Variants in EPB41L3 observed in about 807,000 individuals in gnomAD.
The protein encoded by EPB41L3 is band 4.1-like protein 3.
In EPB41L3, 57 loss-of-function variants were observed where a neutral mutation model predicts 127.1. The ratio of observed to expected loss-of-function variants is 0.45; its 90% CI spans 0.36 to 0.56. The LOEUF (loss-of-function observed/expected upper bound fraction) is 0.56, where lower values mean the gene tolerates loss of function less well. EPB41L3 is among the 20% of genes least tolerant of loss of function. EPB41L3 has a pLI of 0.00. For missense variants in EPB41L3, 1,273 were observed against 1,372.2 expected (o/e 0.93, Z 1.14); for synonymous variants, 572 against 549.5 (o/e 1.04, Z -0.57).
intron 20 of EPB41L3, 54 bp downstream of exon 20, chr18:5,395,555 C>T (rs1335100365): frequency 6.5e-6 from 10 of 1,545,694 alleles, no homozygotes; most frequent in Non-Finnish European, 8.9e-6. Context: ...TGAACAAGCA[C>T]CTTCCTCCAG....
rs780466257 is a variant in EPB41L3 at position 5,423,531 on chromosome 18, G to A, written c.1186C>T (p.Pro396Ser). Residue 396 changes from proline to serine, a missense_variant, in exon 11 of 23, where the codon CCC (proline) becomes TCC (serine). Coordinates refer to ENST00000341928, the MANE Select transcript of EPB41L3 (RefSeq NM_012307.5). The stretch of plus-strand genomic sequence containing the variant: ...GAACCCAAGGTTAGGAATTTCTTGG[G>A]AGGTGCTTCTGGTAACAGTAGTCTA... ...FFRLLLPEAP[P>S]KKFLTLGSKF... is the part of the protein sequence containing the mutation. The A allele has an allele frequency of 6.2e-7, 1 of 1,612,972 alleles. No homozygotes were observed. The highest frequency in any genetic ancestry group is 1.7e-5 in the Admixed American group (1 of 59,986).
chr18:5,607,785 C>A (rs906541893), intron 3 of EPB41L3, among the ~76,000 whole-genome samples: 1 of 152,082 alleles, frequency 6.6e-6, no homozygotes, highest in Admixed American at 6.6e-5. Flanking sequence ...CTTGCCACCA[C>A]GGAACTGTCA....
intron 3 of EPB41L3, among the ~76,000 whole-genome samples, chr18:5,581,482 T>C (rs192172325): frequency 6.6e-6 from 1 of 152,302 alleles, no homozygotes; most frequent in Admixed American, 6.5e-5. Context: ...TGTAAGTAAG[T>C]AGGATGGGTA....
intron 3 of EPB41L3, among the ~76,000 whole-genome samples, chr18:5,612,133 T>C (rs564419535): frequency 4.3e-4 from 65 of 151,658 alleles, no homozygotes; most frequent in African/African-American, 1.6e-3. Context: ...TTTGGAACTA[T>C]TTGGCCACCC....
intron 16 of EPB41L3, chr18:5,398,896 G>A (rs1036201520): frequency 1.3e-5 from 5 of 399,106 alleles, no homozygotes; most frequent in East Asian, 1.1e-4. Context: ...GGACTCTGCC[G>A]GCGAGACTCG....
intron 1 of EPB41L3, among the ~76,000 whole-genome samples, chr18:5,625,787 C>T (rs1159811386): frequency 6.6e-6 from 1 of 152,182 alleles, no homozygotes; most frequent in Non-Finnish European, 1.5e-5. Flanking sequence ...CCCCATTTCA[C>T]TGATGAGGAT....
chr18:5,452,933 G>A (rs555222116), intron 3 of EPB41L3, among the ~76,000 whole-genome samples: 1 of 152,270 alleles, frequency 6.6e-6, no homozygotes, highest in Non-Finnish European at 1.5e-5. Context: ...TTCTAATAGA[G>A]CAGGAGCATT....
intron 9 of EPB41L3, among the ~76,000 whole-genome samples, chr18:5,426,687 C>A (rs150244051): frequency 1.1e-4 from 17 of 152,280 alleles, no homozygotes; most frequent in African/African-American, 4.1e-4. Context: ...AATATCATCT[C>A]ATTTGCATCA....
intron 3 of EPB41L3, among the ~76,000 whole-genome samples, chr18:5,566,723 C>CATTCTATTGTATTCTATTCTATTCT (rs2094203858): frequency 8.9e-6 from 1 of 112,330 alleles, no homozygotes; most frequent in East Asian, 2.8e-4. Flanking sequence ...TTTTCTATTC[C>CATTCTATTGTATTCTATTCTATTCT]ATTCTATTCT....
At chr18:5,546,213 G>A (rs926198639), upstream of EPB41L3, among the ~76,000 whole-genome samples, 1 of 152,142 alleles carries the variant, frequency 6.6e-6, no homozygotes, top group Non-Finnish European at 1.5e-5. Flanking sequence ...AAAAATGTTA[G>A]ACAACTAAGT....
In EPB41L3 at chr18:5,437,938, T is replaced by C; in HGVS notation, c.605+97A>G. The C allele has an allele frequency of 2.8e-6, 3 of 1,066,806 alleles. 1 individual carries two copies. The South Asian group carries it at 4.5e-5, about 16-fold the overall frequency. The allele number at this position is 1,066,806 out of a possible 1,614,324, so 66.1% of individuals were successfully genotyped here. ...TTTGCCATTTGAGCGTGGATGATTG[T>C]AAGGCTACCAGATGTAAGCACGCTC... is the stretch of plus-strand genomic sequence containing the variant. On this transcript the variant is annotated intron_variant, in intron 6 of 22. Transcript: ENST00000341928.
At chr18:5,467,872 G>C (rs570801937) in intron 3 of EPB41L3, among the ~76,000 whole-genome samples, 1 of 152,292 alleles carries the variant, frequency 6.6e-6, no homozygotes, top group Non-Finnish European at 1.5e-5. Flanking sequence ...CCACAGAGCC[G>C]GCAGGAGCCA....
At chr18:5,517,796 G>A (rs1361352390) in intron 1 of EPB41L3, among the ~76,000 whole-genome samples, 5 of 151,990 alleles carry the variant, frequency 3.3e-5, no homozygotes, top group Admixed American at 3.3e-4. Context: ...GCATGTGGCC[G>A]GGTCATCCCT....
intron 9 of EPB41L3, among the ~76,000 whole-genome samples, chr18:5,425,095 T>G (rs1273808716): frequency 6.6e-6 from 1 of 152,178 alleles, no homozygotes; most frequent in Non-Finnish European, 1.5e-5. Context: ...CTGAAGAAGG[T>G]ACACATCAGA....
intron 11 of EPB41L3, chr18:5,420,091 G>T: frequency 2.1e-6 from 2 of 941,452 alleles, no homozygotes; most frequent in Non-Finnish European, 3.1e-6. Flanking sequence ...CTTCATGAGA[G>T]CATGACCTTC....
chr18:5,487,602 G>C (rs1233796960), intron 2 of EPB41L3, among the ~76,000 whole-genome samples: 1 of 148,982 alleles, frequency 6.7e-6, no homozygotes, highest in Non-Finnish European at 1.5e-5. Context: ...AGTGATTCTC[G>C]TGCCTCAGCC....
intron 1 of EPB41L3, among the ~76,000 whole-genome samples, chr18:5,493,474 T>C (rs1225058063): frequency 6.6e-6 from 1 of 152,152 alleles, no homozygotes; most frequent in Non-Finnish European, 1.5e-5. Context: ...TTTGTGACTA[T>C]AGAGTACTAT....
intron 16 of EPB41L3, chr18:5,399,022 C>T (rs183419217): frequency 1.3e-4 from 52 of 399,168 alleles, no homozygotes; most frequent in Admixed American, 1.3e-4. Context: ...TCTGCCAGGC[C>T]GGGAATGATC....
Position 5,416,023 on chromosome 18 carries a change from A to T in EPB41L3, c.1862T>A (p.Leu621Ter). The change falls in exon 13 of 23, where the codon TTG (leucine) becomes TAG (stop). Residue 621 changes from leucine to a stop codon, truncating the protein, a stop_gained. Coordinates refer to ENST00000341928, the MANE Select transcript of EPB41L3 (RefSeq NM_012307.5). LOFTEE classifies it high-confidence loss of function. ...LSETNLLPQS[L>*]QHYLPIRSPS... Reference sequence around the variant, plus strand: ...TGAGCGGATCGGGAGGTAATGCTGCAAGCTCTGGGGCAGGAGGTTGGTTTC... The same window carrying T: ...TGAGCGGATCGGGAGGTAATGCTGCTAGCTCTGGGGCAGGAGGTTGGTTTC... The T allele has an allele frequency of 6.2e-7, 1 of 1,614,018 alleles. No individual in the cohort carries two copies.
Sources: gnomAD v4.1 joint callset for allele counts (sites outside exome capture counted in the v4.1 genomes callset) on GRCh38, gnomAD v4.1.1 for gene constraint, MANE v1.5 for transcripts, NCBI Gene and HGNC (gene_info 2026-07-23, HGNC 2026-07-21) for gene names.